CPQ: variants seen among roughly 807,000 people sequenced by gnomAD.
The protein encoded by CPQ is Ser-Met dipeptidase.
Under a neutral mutation model 45.7 loss-of-function variants are expected in CPQ, and 37 were observed. The observed-to-expected ratio is 0.81, with a 90% CI of 0.62 to 1.07. The LOEUF is 1.07. Among genes scored for constraint, CPQ ranks in the 50% least tolerant of loss-of-function variants. The probability of loss-of-function intolerance (pLI) is 0.00; values close to 1 mark genes in which losing one functional copy is unlikely to be tolerated. For synonymous variants in CPQ, 186 were observed against 205.8 expected, an observed-to-expected ratio of 0.90 and a Z score of 0.82; for missense variants, 537 against 572.9, an observed-to-expected ratio of 0.94 and a Z score of 0.64.
chr8:96,929,598 A>G (rs1210314417), intron 4 of CPQ, among the ~76,000 whole-genome samples: 2 of 152,186 alleles, frequency 1.3e-5, no homozygotes, highest in African/African-American at 4.8e-5. Flanking sequence ...GCATTGCTCA[A>G]AACATGGCTT....
At chr8:96,897,372 C>T (rs146026169) in intron 4 of CPQ, among the ~76,000 whole-genome samples, 1 of 152,206 alleles carries the variant, frequency 6.6e-6, no homozygotes, top group East Asian at 1.9e-4. Flanking sequence ...GACAGTGACA[C>T]CTAAATGGTT....
chr8:96,987,098 A>G (rs1445672295), intron 5 of CPQ, among the ~76,000 whole-genome samples: 1 of 152,056 alleles, frequency 6.6e-6, no homozygotes, highest in Non-Finnish European at 1.5e-5. Flanking sequence ...TACTGCTTGT[A>G]TTAAAAGGCA....
intron 7 of CPQ, among the ~76,000 whole-genome samples, chr8:97,139,045 G>C (rs1812110006): frequency 6.6e-6 from 1 of 152,130 alleles, no homozygotes; most frequent in South Asian, 2.1e-4. Context: ...CTAAAAGTAT[G>C]AGATAGAGAA....
At chr8:96,653,605 A>G (rs1280921102) in intron 1 of CPQ, among the ~76,000 whole-genome samples, 1 of 152,202 alleles carries the variant, frequency 6.6e-6, no homozygotes, top group African/African-American at 2.4e-5. Context: ...CAATTAACAC[A>G]TATTTTGTAT....
chr8:97,053,866 G>C (rs1014680703), intron 6 of CPQ, among the ~76,000 whole-genome samples: 2 of 152,176 alleles, frequency 1.3e-5, no homozygotes, highest in African/African-American at 4.8e-5. Context: ...ATAGCAAGTT[G>C]TCAGGCTGCA....
In CPQ at chr8:96,834,954, G is replaced by T; in HGVS notation, c.434-19G>T. The T allele has an allele frequency of 6.2e-7, 1 of 1,607,336 alleles. No individual in the cohort carries two copies. On this transcript the variant is annotated intron_variant, in intron 2 of 7. Coordinates refer to ENST00000220763, the MANE Select transcript of CPQ (RefSeq NM_016134.4). ...TGATGGGAAACTGTAAGTTAATCTTGCATGACTTTTATTTCTAGGCATTAC... is the reference window on the plus strand; with the variant it reads ...TGATGGGAAACTGTAAGTTAATCTTTCATGACTTTTATTTCTAGGCATTAC...
Position 97,081,721 on chromosome 8 carries a change from C to T in CPQ, c.1255+15511C>T, listed in dbSNP as rs546962125. ...GCTGAGCACCCATGTTTTCAGAAGG[C>T]CCCCAGGTGTTCTAATATGCAGCCA... is the stretch of plus-strand genomic sequence containing the variant. On this transcript the variant is annotated intron_variant, in intron 7 of 7. Transcript: ENST00000220763. Among the ~76,000 whole-genome samples the T allele has an allele frequency of 4.3e-4, 66 of 152,248 alleles. No homozygotes were observed. The South Asian group carries it at 0.013, about 30-fold the overall frequency.
intron 2 of CPQ, among the ~76,000 whole-genome samples, chr8:96,821,126 A>ATTTTTTTTTTTTT (rs572906188): frequency 5.1e-4 from 31 of 60,934 alleles, no homozygotes; most frequent in African/African-American, 5.9e-4. Context: ...TTTAATCTGA[A>ATTTTTTTTTTTTT]TTTTTTTTTT....
chr8:96,743,493 A>G (rs12682143), intron 1 of CPQ, among the ~76,000 whole-genome samples: 87,024 of 150,318 alleles, frequency 0.58, 25,530 homozygotes, highest in East Asian at 0.86. Flanking sequence ...GTCATTCTCC[A>G]TCCAGCTTTG....
intron 5 of CPQ, among the ~76,000 whole-genome samples, chr8:96,985,487 G>A (rs1463485027): frequency 1.3e-5 from 2 of 151,882 alleles, no homozygotes; most frequent in African/African-American, 2.4e-5. Flanking sequence ...TTTCTCTTTG[G>A]TTGTGTTTTT....
rs538341472 is a variant in CPQ, at chr8:96,837,184, C to T, written c.641+2004C>T. ...AGTTTTGCATCCTAAGAAATAAAAA[C>T]GAAAATAAAATGAGATAAACTATGT... On this transcript the variant is annotated intron_variant, in intron 3 of 7. Coordinates refer to ENST00000220763, the MANE Select transcript of CPQ (RefSeq NM_016134.4). Among the ~76,000 whole-genome samples the T allele has an allele frequency of 5.8e-4, 88 of 152,068 alleles. No individual in the cohort carries two copies. In the South Asian group the frequency reaches 0.013, roughly 22 times the overall value.
intron 3 of CPQ, among the ~76,000 whole-genome samples, chr8:96,876,196 T>C: frequency 6.6e-6 from 1 of 151,998 alleles, no homozygotes; most frequent in Non-Finnish European, 1.5e-5. Flanking sequence ...TAATTAGTTC[T>C]AATCGTTTTG....
chr8:97,096,877 C>T (rs1811218128), intron 7 of CPQ, among the ~76,000 whole-genome samples: 1 of 152,220 alleles, frequency 6.6e-6, no homozygotes, highest in Non-Finnish European at 1.5e-5. Flanking sequence ...CTATGCTTCC[C>T]GCCCAGAATT....
At chr8:97,023,006 ATAC>A (rs1809725188) in intron 5 of CPQ, among the ~76,000 whole-genome samples, 1 of 147,480 alleles carries the variant, frequency 6.8e-6, no homozygotes, top group South Asian at 2.1e-4. Flanking sequence ...CAGTATATAT[ATAC>A]TATATATAGT....
intron 1 of CPQ, among the ~76,000 whole-genome samples, chr8:96,740,849 G>C (rs1293096859): frequency 6.6e-6 from 1 of 152,176 alleles, no homozygotes; most frequent in African/African-American, 2.4e-5. Context: ...TTGAGGTGCT[G>C]CTGGATTCGG....
chr8:96,761,313 C>A (rs948830489), intron 1 of CPQ: 3 of 152,242 alleles, frequency 2.0e-5, no homozygotes, highest in Non-Finnish European at 2.9e-5. Context: ...AACTGCCAGA[C>A]AGAGAAGCTG....
At chr8:97,105,512 G>T (rs1811389604) in intron 7 of CPQ, among the ~76,000 whole-genome samples, 1 of 151,854 alleles carries the variant, frequency 6.6e-6, no homozygotes, top group Admixed American at 6.6e-5. Flanking sequence ...TGTGAATAAT[G>T]TTGCTATAAA....
At position 97,122,960 on chromosome 8, in the gene CPQ, A is replaced by ATTAAATTAAAT. The variant is rs1563586839; in HGVS notation, c.1256-20059_1256-20058insTAAATTAAATT. Among the ~76,000 whole-genome samples, 3 of 87,340 alleles carry ATTAAATTAAAT rather than the reference A, an allele frequency of 3.4e-5. 1 individual carries two copies. Among genetic ancestry groups the ATTAAATTAAAT allele is most frequent in the Non-Finnish European group, 5.7e-5 (3 of 52,190 alleles). 57.3% of individuals were successfully genotyped at this position (87,340 alleles called of 152,430 possible). A position where few individuals can be genotyped will look rare whatever the true frequency, so the allele number is the denominator to read the frequency against. ...ATAAAATAAAATAAAATAAAATAAA[A>ATTAAATTAAAT]TAAAATAAAATAAAATAAAATTAAA... is the stretch of plus-strand genomic sequence containing the variant. On this transcript the variant is annotated intron_variant, in intron 7 of 7. Coordinates refer to ENST00000220763, the MANE Select transcript of CPQ (RefSeq NM_016134.4).
At chr8:97,120,100 T>C (rs1402808501) in intron 7 of CPQ, among the ~76,000 whole-genome samples, 3 of 152,220 alleles carry the variant, frequency 2.0e-5, no homozygotes, top group African/African-American at 7.2e-5. Context: ...TAACAAAACT[T>C]TGTCTAACAC....
Sources: gnomAD v4.1 joint callset for allele counts (sites outside exome capture counted in the v4.1 genomes callset) on GRCh38, gnomAD v4.1.1 for gene constraint, MANE v1.5 for transcripts, NCBI Gene and HGNC (gene_info 2026-07-23, HGNC 2026-07-21) for gene names.